Variants in LARP7 observed in about 807,000 individuals in gnomAD.
LARP7 encodes la-related protein 7.
Under a neutral mutation model 69.3 loss-of-function variants are expected in LARP7, and 52 were observed. That is an observed-to-expected ratio of 0.75 (90% CI 0.60 to 0.95). LARP7 has a LOEUF of 0.95. Among genes scored for constraint, LARP7 ranks in the 40% least tolerant of loss-of-function variants. The probability of loss-of-function intolerance (pLI) is 0.00; values close to 1 mark genes in which losing one functional copy is unlikely to be tolerated. For missense variants in LARP7, 733 were observed against 673.0 expected, an observed-to-expected ratio of 1.09 and a Z score of -0.99; for synonymous variants, 254 against 215.9, an observed-to-expected ratio of 1.18 and a Z score of -1.55.
intron 10 of LARP7, among the ~76,000 whole-genome samples, chr4:112,650,814 C>T (rs1053289132): frequency 2.0e-5 from 3 of 152,110 alleles, no homozygotes; most frequent in African/African-American, 7.2e-5. Flanking sequence ...AAACATCCTT[C>T]TCTATAGGAA....
At chr4:112,655,392 T>C (rs796784113) in intron 12 of LARP7, 6 of 152,356 alleles carry the variant, frequency 3.9e-5, no homozygotes, top group African/African-American at 1.4e-4. Flanking sequence ...AGTTCTTAAA[T>C]TGAGTTGGAA....
chr4:112,643,459 C>G (rs1156444707), intron 1 of LARP7, among the ~76,000 whole-genome samples: 2 of 152,064 alleles, frequency 1.3e-5, no homozygotes, highest in African/African-American at 4.8e-5. Flanking sequence ...GCTGACAAAG[C>G]AAAGGGGAAG....
chr4:112,649,913 C>G (rs2048635917), intron 9 of LARP7: 1 of 299,910 alleles, frequency 3.3e-6, no homozygotes, highest in Non-Finnish European at 6.1e-6. Flanking sequence ...TGAGTTTTCT[C>G]TACAGTTTTC....
At chr4:112,644,472 G>A in intron 1 of LARP7, 196 bp from the exon 2 acceptor site, 2 of 1,189,886 alleles carry the variant, frequency 1.7e-6, no homozygotes, top group Non-Finnish European at 2.2e-6. Flanking sequence ...CTAAAGCTAT[G>A]ATCCCTAACA....
At chr4:112,647,980 C>T in intron 8 of LARP7, 146 bp downstream of exon 8, 1 of 729,042 alleles carries the variant, frequency 1.4e-6, no homozygotes, top group Non-Finnish European at 2.6e-6. Flanking sequence ...GGCGTTAACG[C>T]AATTGCTGAT....
intron 11 of LARP7, 73 bp downstream of exon 11, chr4:112,653,309 G>T: frequency 7.6e-7 from 1 of 1,307,884 alleles, no homozygotes. Flanking sequence ...TCTGAGTTTG[G>T]CTAATGAAAC....
At chr4:112,640,246 A>G (rs577474240) in intron 1 of LARP7, among the ~76,000 whole-genome samples, 286 of 152,252 alleles carry the variant, frequency 1.9e-3, no homozygotes, top group Non-Finnish European at 3.1e-3. Flanking sequence ...GCCTATTTGT[A>G]TTTTATTTAC....
intron 8 of LARP7, chr4:112,648,228 A>C (rs756793908): frequency 1.9e-6 from 1 of 532,896 alleles, no homozygotes. Flanking sequence ...TTTCAAAGCA[A>C]GTACATCCAC....
In LARP7 at chr4:112,646,367, ACTT is replaced by A; in HGVS notation, c.220_222del (p.Leu74del). The A allele has an allele frequency of 6.6e-7, 1 of 1,522,174 alleles. No individual in the cohort carries two copies. The highest frequency in any genetic ancestry group is 1.1e-5 in the South Asian group (1 of 87,492). The allele number at this position is 1,522,174 out of a possible 1,614,324, so 94.3% of individuals were successfully genotyped here. ...TTTCTTTAGATGTTGATATATCACT[ACTT>A]GTGTCTTTTAACAAAATGAAAAAAT... On this transcript the variant is annotated inframe_deletion, in exon 3 of 13. Coordinates refer to ENST00000344442, the MANE Select transcript of LARP7 (RefSeq NM_016648.4).
intron 3 of LARP7, 27 bp downstream of exon 3, chr4:112,646,478 A>G: frequency 2.2e-6 from 3 of 1,378,938 alleles, no homozygotes; most frequent in South Asian, 1.3e-5. Context: ...ACTACTGTTT[A>G]TATTTATAGT....
chr4:112,637,990 T>G (rs1176637601), intron 1 of LARP7: 1 of 152,314 alleles, frequency 6.6e-6, no homozygotes, highest in South Asian at 2.1e-4. Context: ...AAAACGTGCA[T>G]GTACCTATTA....
At chr4:112,639,422 T>G (rs2047867164) in intron 1 of LARP7, among the ~76,000 whole-genome samples, 1 of 151,988 alleles carries the variant, frequency 6.6e-6, no homozygotes, top group African/African-American at 2.4e-5. Context: ...AGTAGAGACG[T>G]GGTCTCACCT....
At chr4:112,650,253 T>C (rs1186772022) in intron 9 of LARP7, among the ~76,000 whole-genome samples, 1 of 152,190 alleles carries the variant, frequency 6.6e-6, no homozygotes, top group Non-Finnish European at 1.5e-5. Flanking sequence ...ACAATTTGCA[T>C]GTAGAATAAT....
At chr4:112,654,721 GGA>G (rs1489510704) in intron 12 of LARP7, 2 of 152,128 alleles carry the variant, frequency 1.3e-5, no homozygotes, top group Non-Finnish European at 2.9e-5. Flanking sequence ...ATCACACCTG[GGA>G]ATAGCCACTG....
intron 7 of LARP7, 31 bp downstream of exon 7, chr4:112,647,580 C>G: frequency 7.6e-7 from 1 of 1,318,932 alleles, no homozygotes. Flanking sequence ...TTAGATAAAA[C>G]TAATTAATTT....
At position 112,653,225 on chromosome 4, in the gene LARP7, A is replaced by G; in HGVS notation, c.1565A>G (p.Glu522Gly). 1.3e-6 allele frequency: 2 copies of G among 1,580,202 alleles called. No homozygotes were observed. Among genetic ancestry groups the G allele is most frequent in the Non-Finnish European group, 1.7e-6 (2 of 1,169,082 alleles). ...EINKKHCWKLEILSGDHEQRY... is the reference protein window; with the variant it reads ...EINKKHCWKLGILSGDHEQRY... ...AACAAGAAACACTGCTGGAAACTCG[A>G]GATCCTTTCTGGTAAAACTTCATAG... is the stretch of plus-strand genomic sequence containing the variant. Residue 522 changes from glutamate to glycine, a missense_variant, in exon 11 of 13, where the codon GAG becomes GGG. Coordinates refer to ENST00000344442, the MANE Select transcript of LARP7 (RefSeq NM_016648.4).
intron 2 of LARP7, among the ~76,000 whole-genome samples, chr4:112,645,386 C>G (rs928622023): frequency 2.0e-5 from 3 of 152,144 alleles, no homozygotes; most frequent in African/African-American, 7.2e-5. Flanking sequence ...TAAGCAATTT[C>G]AAATCAAAGC....
intron 1 of LARP7, among the ~76,000 whole-genome samples, chr4:112,638,804 G>A (rs1346266328): frequency 6.6e-6 from 1 of 152,174 alleles, no homozygotes; most frequent in Non-Finnish European, 1.5e-5. Context: ...ACCCATGACT[G>A]TGCTTAAATC....
rs2048085868 is a variant in LARP7 at position 112,644,474 on chromosome 4, TC to T, written c.-2-191del. 5 of 1,187,416 alleles carry T rather than the reference TC, an allele frequency of 4.2e-6. No individual in the cohort carries two copies. The African/African-American group carries it at 6.4e-5, about 15-fold the overall frequency. 73.6% of individuals were successfully genotyped at this position (1,187,416 alleles called of 1,614,324 possible). ...AGGTACAAAGAAACTAAAGCTATGA[TC>T]CCTAACATAGAAGGTAAATTATTTT... On this transcript the variant is annotated intron_variant, in intron 1 of 12. Transcript: ENST00000344442.
Sources: allele counts gnomAD v4.1 joint callset (sites outside exome capture counted in the v4.1 genomes callset), GRCh38; gene constraint gnomAD v4.1.1; transcripts MANE v1.5; gene names NCBI Gene and HGNC (gene_info 2026-07-23, HGNC 2026-07-21).